The following EYS variants were observed in gnomAD, a reference collection of about 807,000 sequenced individuals.
EYS encodes EGF-like photoreceptor maintenance factor, also known as protein eyes shut homolog.
EYS carries 250 observed loss-of-function variants against 282.1 expected under a neutral mutation model. That is an observed-to-expected ratio of 0.89 (90% confidence interval 0.80 to 0.98). The LOEUF (loss-of-function observed/expected upper bound fraction) is 0.98. Among genes scored for constraint, EYS ranks in the 50% least tolerant of loss-of-function variants. EYS has a pLI of 0.00. For synonymous variants in EYS, 1,355 were observed against 1,282.9 expected, an observed-to-expected ratio of 1.06 and a Z score of -1.20; for missense variants, 4,016 against 3,709.0, an observed-to-expected ratio of 1.08 and a Z score of -2.15.
At chr6:64,723,785 C>A (rs138175973) in intron 22 of EYS, among the ~76,000 whole-genome samples, 2 of 152,076 alleles carry the variant, frequency 1.3e-5, no homozygotes, top group Admixed American at 1.3e-4. Context: ...TGTAGGTGAT[C>A]GTTTGTGGAT....
At chr6:64,572,710 A>T (rs1188855836) in intron 26 of EYS, among the ~76,000 whole-genome samples, 1 of 152,188 alleles carries the variant, frequency 6.6e-6, no homozygotes, top group African/African-American at 2.4e-5. Flanking sequence ...AATCCAACTT[A>T]CAAGGTATGT....
intron 31 of EYS, among the ~76,000 whole-genome samples, chr6:64,163,395 C>A (rs191715173): frequency 6.6e-6 from 1 of 152,084 alleles, no homozygotes; most frequent in African/African-American, 2.4e-5. Flanking sequence ...GAAAGAAAAT[C>A]CAAGCTAAAA....
At chr6:65,318,736 G>C (rs1468002386) in intron 11 of EYS, among the ~76,000 whole-genome samples, 3 of 150,576 alleles carry the variant, frequency 2.0e-5, no homozygotes, top group African/African-American at 7.3e-5. Flanking sequence ...CCGCCTCCTG[G>C]GTTCAAGCGA....
intron 22 of EYS, among the ~76,000 whole-genome samples, chr6:64,770,931 G>T (rs75797472): frequency 4.6e-5 from 7 of 151,682 alleles, no homozygotes; most frequent in Non-Finnish European, 1.0e-4. Context: ...TTTTGATCAA[G>T]AGGGATATAA....
At chr6:63,753,994 G>A (rs1769412773) in intron 41 of EYS, among the ~76,000 whole-genome samples, 1 of 151,940 alleles carries the variant, frequency 6.6e-6, no homozygotes, top group Non-Finnish European at 1.5e-5. Flanking sequence ...TGCCCATTTA[G>A]GTCCAACTAG....
At position 64,371,015 on chromosome 6, in the gene EYS, T is replaced by C. The variant is rs145176804; in HGVS notation, c.6078+17675A>G. Among the ~76,000 whole-genome samples the C allele has an allele frequency of 2.0e-5, 3 of 152,172 alleles. No homozygotes were observed. In the East Asian group the frequency reaches 5.8e-4, roughly 29 times the overall value. ...ATGGTTTTTTGAATCTTACTTTCCTTCAATTTAGCTATGATTTGGGTTATT... is the reference window on the plus strand; with the variant it reads ...ATGGTTTTTTGAATCTTACTTTCCTCCAATTTAGCTATGATTTGGGTTATT... On this transcript the variant is annotated intron_variant, in intron 29 of 42. Coordinates refer to ENST00000503581, the MANE Select transcript of EYS (RefSeq NM_001142800.2).
chr6:63,954,417 T>C (rs1437548483), intron 35 of EYS, among the ~76,000 whole-genome samples: 1 of 152,204 alleles, frequency 6.6e-6, no homozygotes, highest in Non-Finnish European at 1.5e-5. Flanking sequence ...TCAATATTTA[T>C]ACTGACTCTT....
At chr6:64,299,616 A>T (rs1403322514) in intron 30 of EYS, among the ~76,000 whole-genome samples, 1 of 152,228 alleles carries the variant, frequency 6.6e-6, no homozygotes, top group Non-Finnish European at 1.5e-5. Context: ...CTAGGATTTC[A>T]TCATGGGACA....
At chr6:64,303,471 T>C (rs1769308061) in intron 30 of EYS, among the ~76,000 whole-genome samples, 1 of 152,082 alleles carries the variant, frequency 6.6e-6, no homozygotes, top group South Asian at 2.1e-4. Flanking sequence ...AAGGGGGAGA[T>C]ACAAGAGTTC....
intron 22 of EYS, among the ~76,000 whole-genome samples, chr6:64,705,490 T>C (rs931418403): frequency 1.3e-5 from 2 of 151,696 alleles, no homozygotes; most frequent in Non-Finnish European, 2.9e-5. Flanking sequence ...AAAATTCATA[T>C]GGAACCAAAA....
At chr6:64,544,430 G>T (rs913032145) in intron 26 of EYS, among the ~76,000 whole-genome samples, 1 of 152,090 alleles carries the variant, frequency 6.6e-6, no homozygotes, top group Non-Finnish European at 1.5e-5. Context: ...GGAACTGCAG[G>T]AAACCATCTA....
At chr6:65,618,535 T>C (rs1766318105) in intron 2 of EYS, among the ~76,000 whole-genome samples, 1 of 152,242 alleles carries the variant, frequency 6.6e-6, no homozygotes, top group African/African-American at 2.4e-5. Context: ...TTTCTTTTGC[T>C]GTGCAGAAGC....
chr6:65,401,981 A>T (rs921497054), intron 7 of EYS, among the ~76,000 whole-genome samples: 2 of 151,966 alleles, frequency 1.3e-5, no homozygotes, highest in Non-Finnish European at 1.5e-5. Flanking sequence ...TCTGCCATTT[A>T]TAAATGAGTA....
chr6:64,738,008 T>C (rs1450790649), intron 22 of EYS, among the ~76,000 whole-genome samples: 2 of 152,220 alleles, frequency 1.3e-5, no homozygotes, highest in Non-Finnish European at 2.9e-5. Flanking sequence ...TTTCTTTAGC[T>C]TATCACTATG....
chr6:64,318,890 T>A (rs1770089404), intron 29 of EYS, among the ~76,000 whole-genome samples: 1 of 151,856 alleles, frequency 6.6e-6, no homozygotes, highest in African/African-American at 2.4e-5. Flanking sequence ...CCTCAAGCAA[T>A]CATTATTTCT....
At position 64,479,047 on chromosome 6, in the gene EYS, C is replaced by G. The variant is rs550673537; in HGVS notation, c.5645-39695G>C. Among the ~76,000 whole-genome samples, 367 of 151,896 alleles carry G rather than the reference C, an allele frequency of 2.4e-3. 1 individual carries two copies. The highest frequency in any genetic ancestry group is 8.5e-3 in the African/African-American group (351 of 41,466). ...TGTCATATATTGTGTAGAGAAATCA[C>G]AATGTTTAACATTTTTCTTATACTA... On this transcript the variant is annotated intron_variant, in intron 26 of 42. Transcript: ENST00000503581.
At chr6:64,670,922 A>C (rs1562124939) in intron 22 of EYS, among the ~76,000 whole-genome samples, 1 of 150,762 alleles carries the variant, frequency 6.6e-6, no homozygotes, top group Non-Finnish European at 1.5e-5. Flanking sequence ...ATTCTAAATG[A>C]TAAGTAAAAG....
At chr6:64,596,656 A>T (rs1766596436) in intron 24 of EYS, among the ~76,000 whole-genome samples, 1 of 152,200 alleles carries the variant, frequency 6.6e-6, no homozygotes, top group Non-Finnish European at 1.5e-5. Context: ...GGATACTCAT[A>T]TGAAGAAAAA....
chr6:65,085,201 C>A (rs1203240873), intron 12 of EYS, among the ~76,000 whole-genome samples: 2 of 152,108 alleles, frequency 1.3e-5, no homozygotes, highest in Non-Finnish European at 2.9e-5. Flanking sequence ...CCAGACATCT[C>A]AAACCTTTAA....
Sources: allele counts gnomAD v4.1 joint callset (sites outside exome capture counted in the v4.1 genomes callset), GRCh38; gene constraint gnomAD v4.1.1; transcripts MANE v1.5; gene names NCBI Gene and HGNC (gene_info 2026-07-23, HGNC 2026-07-21).